SDHAF3: variants seen among roughly 807,000 people sequenced by gnomAD.
SDHAF3 encodes succinate dehydrogenase assembly factor 3, mitochondrial.
SDHAF3 carries 18 observed loss-of-function variants against 11.5 expected under a neutral mutation model. The observed-to-expected ratio is 1.56, with a 90% CI of 1.08 to 2.32. SDHAF3 has a LOEUF of 2.32. Among genes scored for constraint, SDHAF3 ranks in the 30% most tolerant of loss-of-function variants. The probability of loss-of-function intolerance (pLI) is 0.00; values close to 1 mark genes in which losing one functional copy is unlikely to be tolerated. For synonymous variants in SDHAF3, 72 were observed against 59.3 expected, an observed-to-expected ratio of 1.21 and a Z score of -0.99; for missense variants, 200 against 154.4, an observed-to-expected ratio of 1.30 and a Z score of -1.57.
chr7:97,144,186 G>A (rs1019052466), intron 1 of SDHAF3, among the ~76,000 whole-genome samples: 2 of 151,816 alleles, frequency 1.3e-5, no homozygotes, highest in East Asian at 1.9e-4. Context: ...GGGATTGTTT[G>A]TTTTTTTCTT....
chr7:97,124,264 G>T (rs1478889715), intron 1 of SDHAF3, among the ~76,000 whole-genome samples: 1 of 152,070 alleles, frequency 6.6e-6, no homozygotes, highest in Non-Finnish European at 1.5e-5. Context: ...TTTCCCCATT[G>T]CTTGTTTTTG....
intron 1 of SDHAF3, among the ~76,000 whole-genome samples, chr7:97,177,821 G>A (rs1238332682): frequency 6.6e-6 from 1 of 152,090 alleles, no homozygotes; most frequent in Non-Finnish European, 1.5e-5. Context: ...CCCCATTTAT[G>A]ATGACCGTAT....
intron 1 of SDHAF3, among the ~76,000 whole-genome samples, chr7:97,156,629 G>A (rs1169011338): frequency 6.6e-6 from 1 of 152,006 alleles, no homozygotes; most frequent in Non-Finnish European, 1.5e-5. Flanking sequence ...GTAAATACAG[G>A]GGTATAGGTG....
chr7:97,134,987 C>T (rs183995332), intron 1 of SDHAF3: 3 of 152,082 alleles, frequency 2.0e-5, no homozygotes, highest in East Asian at 1.9e-4. Context: ...AAGAGATGCT[C>T]AGTTTTATTT....
intron 1 of SDHAF3, among the ~76,000 whole-genome samples, chr7:97,169,217 T>A (rs1396798286): frequency 6.6e-6 from 1 of 152,028 alleles, no homozygotes; most frequent in African/African-American, 2.4e-5. Context: ...TCCCAGGTAC[T>A]TGGGAGGCTG....
intron 1 of SDHAF3, among the ~76,000 whole-genome samples, chr7:97,179,378 A>C (rs1206099085): frequency 6.6e-6 from 1 of 151,964 alleles, no homozygotes. Flanking sequence ...ATCCGTGTTG[A>C]TACATAGACT....
chr7:97,166,251 C>A (rs576959539), intron 1 of SDHAF3, among the ~76,000 whole-genome samples: 1 of 152,220 alleles, frequency 6.6e-6, no homozygotes, highest in Non-Finnish European at 1.5e-5. Flanking sequence ...ACATCATATG[C>A]CCTAGGTGGT....
intron 1 of SDHAF3, chr7:97,135,352 A>G (rs1791735753): frequency 6.6e-6 from 1 of 152,116 alleles, no homozygotes; most frequent in African/African-American, 2.4e-5. Flanking sequence ...TGCCTCTCTT[A>G]GCTGCTCCAA....
chr7:97,156,331 A>G (rs1435766464), intron 1 of SDHAF3, among the ~76,000 whole-genome samples: 6 of 152,228 alleles, frequency 3.9e-5, no homozygotes, highest in Non-Finnish European at 8.8e-5. Flanking sequence ...GATGAAAGCC[A>G]TAGAGGTAAA....
intron 1 of SDHAF3, among the ~76,000 whole-genome samples, chr7:97,118,183 T>A (rs1791438063): frequency 6.6e-6 from 1 of 152,206 alleles, no homozygotes; most frequent in Non-Finnish European, 1.5e-5. Context: ...AAGTCGTCGT[T>A]AAGTGCTCAA....
chr7:97,159,961 G>A (rs1044121549), intron 1 of SDHAF3, among the ~76,000 whole-genome samples: 1 of 152,144 alleles, frequency 6.6e-6, no homozygotes, highest in Non-Finnish European at 1.5e-5. Flanking sequence ...GTCTGAGGAT[G>A]GTGCTATCCT....
intron 1 of SDHAF3, among the ~76,000 whole-genome samples, chr7:97,133,521 C>G (rs1020438016): frequency 6.6e-6 from 1 of 152,128 alleles, no homozygotes. Context: ...CCCTTTTTTC[C>G]TGAACAGTAC....
At chr7:97,118,426 A>G (rs1791442425) in intron 1 of SDHAF3, among the ~76,000 whole-genome samples, 1 of 152,224 alleles carries the variant, frequency 6.6e-6, no homozygotes, top group South Asian at 2.1e-4. Context: ...TGAAGGAGAA[A>G]AATGCTGGTG....
At chr7:97,151,420 G>C (rs918063134) in intron 1 of SDHAF3, among the ~76,000 whole-genome samples, 4 of 151,946 alleles carry the variant, frequency 2.6e-5, no homozygotes, top group Admixed American at 1.3e-4. Flanking sequence ...AGGTTGTCTT[G>C]CTACATAGAT....
intron 1 of SDHAF3, among the ~76,000 whole-genome samples, chr7:97,175,160 C>T (rs1203592064): frequency 6.6e-6 from 1 of 151,976 alleles, no homozygotes; most frequent in African/African-American, 2.4e-5. Flanking sequence ...TAATATAGTT[C>T]ATTTCTATTC....
chr7:97,130,486 G>GT (rs1791651945), intron 1 of SDHAF3, among the ~76,000 whole-genome samples: 1 of 152,146 alleles, frequency 6.6e-6, no homozygotes, highest in South Asian at 2.1e-4. Flanking sequence ...AGTCCAGCTG[G>GT]TGGGAGTGTG....
At chr7:97,164,526 G>A (rs1280794391) in intron 1 of SDHAF3, among the ~76,000 whole-genome samples, 5 of 151,646 alleles carry the variant, frequency 3.3e-5, no homozygotes, top group Non-Finnish European at 7.4e-5. Context: ...ATAGGTGTGC[G>A]CCACAACACC....
intron 1 of SDHAF3, among the ~76,000 whole-genome samples, chr7:97,120,225 G>A (rs1469848473): frequency 7.2e-5 from 11 of 152,064 alleles, no homozygotes; most frequent in Admixed American, 3.3e-4. Flanking sequence ...TTGATCTACT[G>A]GAATTAATGA....
intron 1 of SDHAF3, 120 bp downstream of exon 1, chr7:97,118,017 G>T: frequency 1.6e-6 from 2 of 1,226,288 alleles, no homozygotes; most frequent in East Asian, 2.4e-5. Context: ...TTGAAATAGC[G>T]TAATGCTGTT....
Sources: gnomAD v4.1 joint callset for allele counts (sites outside exome capture counted in the v4.1 genomes callset) on GRCh38, gnomAD v4.1.1 for gene constraint, MANE v1.5 for transcripts, NCBI Gene and HGNC (gene_info 2026-07-23, HGNC 2026-07-21) for gene names.